INPP5K: variants seen among roughly 807,000 people sequenced by gnomAD.
INPP5K encodes inositol polyphosphate-5-phosphatase K, also known as inositol polyphosphate 5-phosphatase K.
A neutral mutation model predicts 53.5 loss-of-function variants in INPP5K; 35 were observed. The ratio of observed to expected loss-of-function variants is 0.65; its 90% CI spans 0.50 to 0.87. The LOEUF (loss-of-function observed/expected upper bound fraction) is 0.87, where lower values mean the gene tolerates loss of function less well. Ranked by LOEUF, INPP5K falls within the 40% of genes least tolerant of loss-of-function variation. The pLI is 0.00. For missense variants in INPP5K, 550 were observed against 586.2 expected, an observed-to-expected ratio of 0.94 and a Z score of 0.64; for synonymous variants, 253 against 232.8, an observed-to-expected ratio of 1.09 and a Z score of -0.79.
chr17:1,509,405 C>T, intron 4 of INPP5K, 52 bp from the exon 5 acceptor site: 1 of 1,545,054 alleles, frequency 6.5e-7, no homozygotes, highest in Non-Finnish European at 8.9e-7. Flanking sequence ...TTGGACACAC[C>T]CCTCTTTCCA....
intron 7 of INPP5K, among the ~76,000 whole-genome samples, chr17:1,499,239 C>T (rs752042372): frequency 2.0e-5 from 3 of 152,186 alleles, no homozygotes; most frequent in East Asian, 1.9e-4. Context: ...AGAGGCCGCG[C>T]GCGGTGCTCA....
At chr17:1,505,383 C>T (rs1382526592) in intron 7 of INPP5K, among the ~76,000 whole-genome samples, 2 of 152,158 alleles carry the variant, frequency 1.3e-5, no homozygotes, top group East Asian at 1.9e-4. Context: ...CCACCCAAGG[C>T]CCTACCCTGT....
In INPP5K at chr17:1,499,893, A is replaced by G. The variant is rs77841089; in HGVS notation, c.777-1771T>C. Among the ~76,000 whole-genome samples, 588 of 152,370 alleles carry G rather than the reference A, an allele frequency of 3.9e-3. 3 individuals carry two copies. The highest frequency in any genetic ancestry group is 0.014 in the African/African-American group (566 of 41,588). Reference sequence around the variant, plus strand: ...CTATAGACAGGGTCTCACACACTCTATCTCATCTATTGATCGATCGACAGG... The same window carrying G: ...CTATAGACAGGGTCTCACACACTCTGTCTCATCTATTGATCGATCGACAGG... On this transcript the variant is annotated intron_variant, in intron 7 of 11. Transcript: ENST00000421807.
chr17:1,516,516 G>T lies in INPP5K; in HGVS notation c.-17C>A. ...CGAGCTCATGGCCGCCGTCGTCCCCGCGCGGTGGTCCGGCAGGTTCGCGTC... is the reference window on the plus strand; with the variant it reads ...CGAGCTCATGGCCGCCGTCGTCCCCTCGCGGTGGTCCGGCAGGTTCGCGTC... On this transcript the variant is annotated 5_prime_UTR_variant, in exon 1 of 12. Coordinates refer to ENST00000421807, the MANE Select transcript of INPP5K (RefSeq NM_016532.4). 1 of 1,567,358 alleles carries T rather than the reference G, an allele frequency of 6.4e-7. No homozygotes were observed. Among genetic ancestry groups the T allele is most frequent in the East Asian group, 2.4e-5 (1 of 42,002 alleles).
Position 1,498,121 on chromosome 17 carries a change from C to T in INPP5K, c.778G>A (p.Glu260Lys), listed in dbSNP as rs1463724241. 9 of 1,598,776 alleles carry T rather than the reference C, an allele frequency of 5.6e-6. No individual in the cohort carries two copies. Among genetic ancestry groups the T allele is most frequent in the Non-Finnish European group, 7.7e-6 (9 of 1,169,198 alleles). ...DRNSNDYDTS[E>K]KKRKPAWTDR... is the part of the protein sequence containing the mutation. Reference sequence around the variant, plus strand: ...GTCCATGCAGGCTTGCGTTTTTTCTCACTGCAGGGGCAGGGGGCATAAAGA... The same window carrying T: ...GTCCATGCAGGCTTGCGTTTTTTCTTACTGCAGGGGCAGGGGGCATAAAGA... Residue 260 changes from glutamate (E) to lysine (K), a missense_variant and splice_region_variant, in exon 8 of 12, where the codon GAG (glutamate) becomes AAG (lysine). Physicochemically the swap from Glu to Lys is moderately conservative, Grantham distance 56 (BLOSUM62 1). Transcript: ENST00000421807.
chr17:1,503,966 T>C (rs1405973874), intron 7 of INPP5K, among the ~76,000 whole-genome samples: 1 of 152,186 alleles, frequency 6.6e-6, no homozygotes, highest in Non-Finnish European at 1.5e-5. Context: ...TGCTGACTGA[T>C]TGGAAAGCCC....
chr17:1,496,429 G>A (rs1278601432), intron 9 of INPP5K, 27 bp from the exon 10 acceptor site: 2 of 1,535,418 alleles, frequency 1.3e-6, no homozygotes, highest in Non-Finnish European at 1.8e-6. Context: ...GGCCATCAGT[G>A]GTCAGGGAGG....
chr17:1,507,946 C>T (rs1348268334), intron 6 of INPP5K, among the ~76,000 whole-genome samples, 169 bp downstream of exon 6: 1 of 152,126 alleles, frequency 6.6e-6, no homozygotes, highest in Admixed American at 6.5e-5. Context: ...ATGTGAAGAT[C>T]AGGCGTGGCT....
chr17:1,509,584 C>G (rs2075258223), intron 4 of INPP5K, 99 bp downstream of exon 4: 1 of 961,054 alleles, frequency 1.0e-6, no homozygotes, highest in African/African-American at 1.6e-5. Flanking sequence ...TTGGGCTGGA[C>G]AGAGGACCAA....
At position 1,498,042 on chromosome 17, in the gene INPP5K, G is replaced by T. The variant is rs267604750; in HGVS notation, c.857C>A (p.Pro286His). ...KRQPCAGPDT[P>H]IPPASHFSLS... The stretch of plus-strand genomic sequence containing the variant: ...GGAGAAGTGTGACGCCGGCGGTATG[G>T]GAGTGTCGGGGCCAGCACAGGGCTG... Residue 286 changes from proline (P) to histidine (H), a missense_variant, in exon 8 of 12, where the codon CCC (proline) becomes CAC (histidine). Physicochemically the swap from Pro to His is moderately conservative, Grantham distance 77. Coordinates refer to ENST00000421807, the MANE Select transcript of INPP5K (RefSeq NM_016532.4). The T allele has an allele frequency of 5.0e-6, 8 of 1,614,122 alleles. No homozygotes were observed. Among genetic ancestry groups the T allele is most frequent in the Non-Finnish European group, 6.8e-6 (8 of 1,179,984 alleles).
chr17:1,495,682 A>G lies in INPP5K; in HGVS notation c.*141T>C. 1 of 635,928 alleles carries G rather than the reference A, an allele frequency of 1.6e-6. No individual in the cohort carries two copies. Among genetic ancestry groups the G allele is most frequent in the Non-Finnish European group, 2.8e-6 (1 of 355,450 alleles). 39.4% of individuals were successfully genotyped at this position (635,928 alleles called of 1,614,324 possible). A position where few individuals can be genotyped will look rare whatever the true frequency, so the allele number is the denominator to read the frequency against. ...GGAGAGAGCAAATGAGCCTGGTTAG[A>G]GCTCACTCTGGGAGGAGTATGTGGA... On this transcript the variant is annotated 3_prime_UTR_variant, in exon 12 of 12. Transcript: ENST00000421807.
chr17:1,514,905 C>CTTT (rs774754833), intron 1 of INPP5K, among the ~76,000 whole-genome samples: 17 of 134,468 alleles, frequency 1.3e-4, no homozygotes, highest in African/African-American at 2.3e-4. Flanking sequence ...TTCAGCGAGA[C>CTTT]TTTTTTTTTT....
At chr17:1,501,456 A>T (rs577184393) in intron 7 of INPP5K, among the ~76,000 whole-genome samples, 1 of 152,184 alleles carries the variant, frequency 6.6e-6, no homozygotes, top group Non-Finnish European at 1.5e-5. Flanking sequence ...CATTTCTCTA[A>T]GCCTCAGTTT....
chr17:1,496,559 G>A, intron 9 of INPP5K, 107 bp downstream of exon 9: 3 of 1,464,036 alleles, frequency 2.0e-6, no homozygotes, highest in Non-Finnish European at 2.8e-6. Flanking sequence ...GAACCGCTGG[G>A]GTGGATGAGG....
chr17:1,498,168 A>G (rs2074912360), intron 7 of INPP5K, 46 bp from the exon 8 acceptor site: 1 of 1,517,070 alleles, frequency 6.6e-7, no homozygotes, highest in Non-Finnish European at 8.9e-7. Context: ...GAAAGAAGAA[A>G]GGGTTGGCTA....
chr17:1,504,099 G>A (rs549007505), intron 7 of INPP5K, among the ~76,000 whole-genome samples: 1 of 152,286 alleles, frequency 6.6e-6, no homozygotes, highest in Middle Eastern at 3.4e-3. Context: ...CCTTCTGCAC[G>A]GAGTTCTGGA....
intron 1 of INPP5K, among the ~76,000 whole-genome samples, chr17:1,514,592 G>A (rs1567566881): frequency 6.6e-6 from 1 of 152,024 alleles, no homozygotes; most frequent in East Asian, 1.9e-4. Context: ...AGAATTTCAG[G>A]TCAGGCTAGC....
chr17:1,501,968 G>A (rs909574846), intron 7 of INPP5K, among the ~76,000 whole-genome samples: 1 of 151,668 alleles, frequency 6.6e-6, no homozygotes, highest in African/African-American at 2.4e-5. Context: ...CTGGGAAGCG[G>A]AGGTTTCAGT....
chr17:1,514,225 A>G (rs2075379610), intron 1 of INPP5K, among the ~76,000 whole-genome samples: 1 of 151,846 alleles, frequency 6.6e-6, no homozygotes, highest in African/African-American at 2.4e-5. Flanking sequence ...CTGGAGGCTG[A>G]GGCAGGAGAA....
Sources: allele counts gnomAD v4.1 joint callset (sites outside exome capture counted in the v4.1 genomes callset), GRCh38; gene constraint gnomAD v4.1.1; transcripts MANE v1.5; gene names NCBI Gene and HGNC (gene_info 2026-07-23, HGNC 2026-07-21).